Variants in STX2 observed in about 807,000 individuals in gnomAD.
The protein encoded by STX2 is syntaxin 2.
Under a neutral mutation model 40.6 loss-of-function variants are expected in STX2, and 27 were observed. That is an observed-to-expected ratio of 0.66 (90% CI 0.49 to 0.92). The LOEUF (loss-of-function observed/expected upper bound fraction) is 0.92. Ranked by LOEUF, STX2 falls within the 40% of genes least tolerant of loss-of-function variation. The pLI is 0.00. For synonymous variants in STX2, 123 were observed against 119.1 expected (o/e 1.03, Z -0.22); for missense variants, 328 against 366.1 (o/e 0.90, Z 0.85).
At chr12:130,806,850 G>A (rs774494887) in intron 6 of STX2, 132 bp downstream of exon 6, 10 of 779,800 alleles carry the variant, frequency 1.3e-5, no homozygotes, top group South Asian at 3.6e-5. Flanking sequence ...AGGAAGCTAC[G>A]AGTGGTCTTT....
intron 6 of STX2, among the ~76,000 whole-genome samples, chr12:130,804,453 A>G (rs1405378310): frequency 6.6e-6 from 1 of 152,194 alleles, no homozygotes; most frequent in East Asian, 1.9e-4. Flanking sequence ...CCTCTCATCA[A>G]GATGCTCATC....
chr12:130,807,398 G>C (rs1951476779), intron 5 of STX2, among the ~76,000 whole-genome samples: 1 of 151,202 alleles, frequency 6.6e-6, no homozygotes, highest in African/African-American at 2.5e-5. Flanking sequence ...GACCCAGGCA[G>C]GTGGACCCCA....
intron 10 of STX2, among the ~76,000 whole-genome samples, chr12:130,794,230 C>T (rs1294549346): frequency 6.6e-5 from 10 of 152,146 alleles, no homozygotes; most frequent in African/African-American, 2.2e-4. Context: ...AGAAAAATCA[C>T]GTACAATATT....
rs1177052696 is a variant in STX2, at chr12:130,790,795, G to C, written c.*1228C>G. 1 of 152,588 alleles carries C rather than the reference G, an allele frequency of 6.6e-6. No individual in the cohort carries two copies. Among genetic ancestry groups the C allele is most frequent in the Non-Finnish European group, 1.5e-5 (1 of 68,042 alleles). The allele number at this position is 152,588 out of a possible 1,614,324, so 9.5% of individuals were successfully genotyped here. On this transcript the variant is annotated 3_prime_UTR_variant, in exon 11 of 11. Transcript: ENST00000392373. Reference sequence around the variant, plus strand: ...TCGAATCTCCTATTTAGTGAAAAGAGACCACGGTCTTTACAGTGCAGTAAC... The same window carrying C: ...TCGAATCTCCTATTTAGTGAAAAGACACCACGGTCTTTACAGTGCAGTAAC...
chr12:130,816,417 G>A (rs576983857), intron 3 of STX2, among the ~76,000 whole-genome samples: 61 of 152,306 alleles, frequency 4.0e-4, no homozygotes, highest in African/African-American at 1.5e-3. Context: ...ACAGGCCCAC[G>A]GGGCTTGAGC....
At chr12:130,804,321 C>T (rs1388491108) in intron 6 of STX2, among the ~76,000 whole-genome samples, 2 of 152,192 alleles carry the variant, frequency 1.3e-5, no homozygotes, top group African/African-American at 2.4e-5. Context: ...ATGAAGACAG[C>T]CCGCTGTGTG....
intron 3 of STX2, among the ~76,000 whole-genome samples, chr12:130,816,744 G>C (rs1206664755): frequency 6.6e-6 from 1 of 152,162 alleles, no homozygotes; most frequent in Non-Finnish European, 1.5e-5. Context: ...AGAAGACTCA[G>C]AAGAAGAAAA....
In STX2 at chr12:130,791,830, T is replaced by C. The variant is rs543343782; in HGVS notation, c.*193A>G. On this transcript the variant is annotated 3_prime_UTR_variant, in exon 11 of 11. Coordinates refer to ENST00000392373, the MANE Select transcript of STX2 (RefSeq NM_194356.4). ...CAGCGTCTGAGATTCATTCACGAAA[T>C]GACAGGATGCTGATTTGGTTGCAGA... 9 of 1,347,878 alleles carry C rather than the reference T, an allele frequency of 6.7e-6. No homozygotes were observed. The African/African-American group carries it at 1.0e-4, about 15-fold the overall frequency. The allele number at this position is 1,347,878 out of a possible 1,614,324, so 83.5% of individuals were successfully genotyped here. A position where few individuals can be genotyped will look rare whatever the true frequency, so the allele number is the denominator to read the frequency against.
chr12:130,792,224 C>A (rs1950898315), intron 10 of STX2, among the ~76,000 whole-genome samples: 2 of 152,110 alleles, frequency 1.3e-5, no homozygotes, highest in Admixed American at 1.3e-4. Context: ...CCACGCCCAG[C>A]TAATTTTTGT....
At chr12:130,838,953 G>T in intron 1 of STX2, 117 bp downstream of exon 1, 1 of 917,956 alleles carries the variant, frequency 1.1e-6, no homozygotes. Context: ...CCAGAACGCC[G>T]GAGATCCCCG....
Position 130,811,490 on chromosome 12 carries a change from G to C in STX2, c.280+1467C>G, listed in dbSNP as rs190706426. Reference sequence around the variant, plus strand: ...GTTATATCTTATTTAAAATTTTACTGAACTTACTTAGAGCCAAGAAAAAAT... The same window carrying C: ...GTTATATCTTATTTAAAATTTTACTCAACTTACTTAGAGCCAAGAAAAAAT... On this transcript the variant is annotated intron_variant, in intron 4 of 10. Coordinates refer to ENST00000392373, the MANE Select transcript of STX2 (RefSeq NM_194356.4). Among the ~76,000 whole-genome samples the C allele has an allele frequency of 9.0e-3, 1,339 of 148,940 alleles. 10 individuals are homozygous for C. The highest frequency in any genetic ancestry group is 0.017 in the Admixed American group (249 of 14,966).
intron 6 of STX2, 70 bp from the exon 7 acceptor site, chr12:130,801,558 T>C: frequency 6.9e-7 from 1 of 1,450,224 alleles, no homozygotes; most frequent in Non-Finnish European, 9.2e-7. Context: ...TTTGCAACCA[T>C]AAGTTAGCAA....
intron 1 of STX2, among the ~76,000 whole-genome samples, chr12:130,832,739 C>G (rs1952616818): frequency 6.6e-6 from 1 of 152,214 alleles, no homozygotes; most frequent in Non-Finnish European, 1.5e-5. Context: ...TCCAGCCAAC[C>G]TCCTCAGCTC....
chr12:130,793,316 G>A (rs993015857), intron 10 of STX2, among the ~76,000 whole-genome samples: 2 of 152,134 alleles, frequency 1.3e-5, no homozygotes, highest in African/African-American at 2.4e-5. Flanking sequence ...GCGCTCCTAC[G>A]CCCCACTCTC....
chr12:130,801,624 G>A (rs868813976), intron 6 of STX2, 136 bp from the exon 7 acceptor site: 1 of 881,766 alleles, frequency 1.1e-6, no homozygotes, highest in Middle Eastern at 3.9e-4. Context: ...TTCTTAAGCA[G>A]ATATTGACAA....
In STX2 at chr12:130,801,257, G is replaced by C. The variant is rs548904071; in HGVS notation, c.571C>G (p.Leu191Val). 36 of 1,613,470 alleles carry C rather than the reference G, an allele frequency of 2.2e-5. No individual in the cohort carries two copies. The South Asian group carries it at 3.7e-4, about 17-fold the overall frequency. The change falls in exon 8 of 11, where the codon CTC (leucine) becomes GTC (valine). Residue 191 changes from leucine (L) to valine (V), a missense_variant. Transcript: ENST00000392373. ...ISDSQITRQALNEIESRHKDI... is the reference protein window; with the variant it reads ...ISDSQITRQAVNEIESRHKDI... Reference sequence around the variant, plus strand: ...TTGTGACGTGACTCGATTTCATTGAGAGCTTGTCTAGTAATTTGTGAATCT... The same window carrying C: ...TTGTGACGTGACTCGATTTCATTGACAGCTTGTCTAGTAATTTGTGAATCT...
At chr12:130,832,673 G>A (rs1171162281) in intron 1 of STX2, among the ~76,000 whole-genome samples, 3 of 152,172 alleles carry the variant, frequency 2.0e-5, no homozygotes, top group Non-Finnish European at 2.9e-5. Context: ...ACTTGGGGGC[G>A]GGGGCAGCCC....
intron 3 of STX2, 41 bp from the exon 4 acceptor site, chr12:130,813,072 A>G (rs577137306): frequency 1.7e-5 from 20 of 1,183,656 alleles, no homozygotes; most frequent in Middle Eastern, 3.0e-4. Context: ...ACAGCATCTG[A>G]GCTATAATAT....
rs1053405801 is a variant in STX2, at chr12:130,790,016, T to TCCC, written c.*2004_*2006dup. ...AAGGTGGGACATCACGGGAGGCAGG[T>TCCC]CCCCCTGTGGACATGATTCCACAGA... On this transcript the variant is annotated 3_prime_UTR_variant, in exon 11 of 11. Coordinates refer to ENST00000392373, the MANE Select transcript of STX2 (RefSeq NM_194356.4). The TCCC allele has an allele frequency of 3.3e-5, 5 of 152,164 alleles. No individual in the cohort carries two copies. Among genetic ancestry groups the TCCC allele is most frequent in the African/African-American group, 1.2e-4 (5 of 41,424 alleles). The allele number at this position is 152,164 out of a possible 1,614,324, so 9.4% of individuals were successfully genotyped here.
Sources: gnomAD v4.1 joint callset for allele counts (sites outside exome capture counted in the v4.1 genomes callset) on GRCh38, gnomAD v4.1.1 for gene constraint, MANE v1.5 for transcripts, NCBI Gene and HGNC (gene_info 2026-07-23, HGNC 2026-07-21) for gene names.